NPM1: variants seen among roughly 807,000 people sequenced by gnomAD.
The protein encoded by NPM1 is nucleophosmin 1.
In NPM1, 1 loss-of-function variant was observed where a neutral mutation model predicts 44.1. That is an observed-to-expected ratio of 0.02 (90% CI 0.01 to 0.11). The LOEUF (loss-of-function observed/expected upper bound fraction) is 0.11, where lower values mean the gene tolerates loss of function less well. Ranked by LOEUF, NPM1 falls within the 10% of genes least tolerant of loss-of-function variation. NPM1 has a pLI of 1.00. For missense variants in NPM1, 197 were observed against 347.8 expected (o/e 0.57, Z 3.45); for synonymous variants, 126 against 111.8 (o/e 1.13, Z -0.80).
chr5:171,403,917 C>T lies in NPM1; in HGVS notation c.670-1385C>T, dbSNP rs1581255467. Among the ~76,000 whole-genome samples the T allele has an allele frequency of 2.8e-5, 2 of 70,912 alleles. 1 individual carries two copies. Among genetic ancestry groups the T allele is most frequent in the South Asian group, 1.4e-3 (2 of 1,412 alleles). The allele number at this position is 70,912 out of a possible 152,430, so 46.5% of individuals were successfully genotyped here. On this transcript the variant is annotated intron_variant, in intron 8 of 10. Transcript: ENST00000296930. ...GCGGCCGGCCAGGCGGGGGGCTTAC[C>T]CCCCCACCTCCCTCCCGGACGGGGC...
At chr5:171,410,417 TG>T in intron 10 of NPM1, 109 bp from the exon 11 acceptor site, 1 of 610,660 alleles carries the variant, frequency 1.6e-6, no homozygotes. Flanking sequence ...GTTAACTCTC[TG>T]GTGGTAGAAT....
At chr5:171,394,644 G>A (rs1010219216) in intron 6 of NPM1, among the ~76,000 whole-genome samples, 3 of 152,178 alleles carry the variant, frequency 2.0e-5, no homozygotes, top group Non-Finnish European at 4.4e-5. Context: ...AGTAAGAATT[G>A]AAATACATTC....
At chr5:171,387,781 G>A (rs996312934), upstream of NPM1, 7 of 664,546 alleles carry the variant, frequency 1.1e-5, no homozygotes, top group South Asian at 1.8e-5. Context: ...GCACGCGCGC[G>A]GAGGCGGGAC....
rs371368137 is a variant in NPM1, at chr5:171,403,104, T to C, written c.669+2179T>C. On this transcript the variant is annotated intron_variant, in intron 8 of 10. Coordinates refer to ENST00000296930, the MANE Select transcript of NPM1 (RefSeq NM_002520.7). Reference sequence around the variant, plus strand: ...CAATAGTGGAGGGAAGGTCAGCAGATAAACAAGTGAACAAAGGTCTCTGGT... The same window carrying C: ...CAATAGTGGAGGGAAGGTCAGCAGACAAACAAGTGAACAAAGGTCTCTGGT... 2.8e-3 allele frequency among the ~76,000 whole-genome samples: 326 copies of C among 115,210 alleles called. 3 individuals carry two copies. In the East Asian group the frequency reaches 0.034, roughly 12 times the overall value. The allele number at this position is 115,210 out of a possible 152,430, so 75.6% of individuals were successfully genotyped here.
intron 1 of NPM1, 22 bp from the exon 2 acceptor site, chr5:171,390,029 T>C: frequency 6.9e-7 from 1 of 1,442,558 alleles, no homozygotes; most frequent in East Asian, 2.3e-5. Context: ...CTTGTTAGAG[T>C]TGCTTTTTTC....
intron 6 of NPM1, among the ~76,000 whole-genome samples, chr5:171,397,629 T>C (rs1031646906): frequency 6.6e-6 from 1 of 151,808 alleles, no homozygotes; most frequent in South Asian, 2.1e-4. Context: ...TACTAAGTTG[T>C]AAGAATTCTT....
chr5:171,400,229 A>G lies in NPM1; in HGVS notation c.582+19A>G. 4 of 1,613,444 alleles carry G rather than the reference A, an allele frequency of 2.5e-6. No homozygotes were observed. Among genetic ancestry groups the G allele is most frequent in the East Asian group, 4.5e-5 (2 of 44,862 alleles). ...GAAGAAAGTGAGTAGATACAATGCT[A>G]CAAGGTTGTTAAACTAACAATAGAA... On this transcript the variant is annotated intron_variant, in intron 7 of 10. Coordinates refer to ENST00000296930, the MANE Select transcript of NPM1 (RefSeq NM_002520.7).
chr5:171,396,162 A>G (rs887899428), intron 6 of NPM1, among the ~76,000 whole-genome samples: 3 of 151,788 alleles, frequency 2.0e-5, no homozygotes, highest in Admixed American at 1.3e-4. Context: ...TGTATTTTTA[A>G]TAGAGATGGG....
intron 6 of NPM1, among the ~76,000 whole-genome samples, chr5:171,393,703 C>T (rs964229268): frequency 4.6e-5 from 7 of 152,192 alleles, no homozygotes; most frequent in African/African-American, 1.7e-4. Flanking sequence ...AATATAAGAA[C>T]ATGCACTTTA....
intron 2 of NPM1, 152 bp from the exon 3 acceptor site, chr5:171,391,153 T>TA (rs1368443190): frequency 2.7e-4 from 234 of 863,334 alleles, no homozygotes; most frequent in Admixed American, 5.2e-4. Context: ...AGCACATTCT[T>TA]ATGATTGTAC....
intron 5 of NPM1, 25 bp downstream of exon 5, chr5:171,392,841 G>A (rs1770652274): frequency 6.2e-7 from 1 of 1,613,026 alleles, no homozygotes; most frequent in African/African-American, 1.3e-5. Context: ...TTTATTATAG[G>A]TTTTGTATTA....
At chr5:171,393,818 C>T (rs529557581) in intron 6 of NPM1, among the ~76,000 whole-genome samples, 12 of 152,102 alleles carry the variant, frequency 7.9e-5, no homozygotes, top group South Asian at 4.1e-4. Flanking sequence ...GGAAAAAGGC[C>T]GAAAGAGCCG....
At position 171,392,954 on chromosome 5, in the gene NPM1, A is replaced by G; in HGVS notation, c.500A>G (p.Asp167Gly). 6.2e-7 allele frequency: 1 copy of G among 1,609,374 alleles called. No individual in the cohort carries two copies. Among genetic ancestry groups the G allele is most frequent in the South Asian group, 1.1e-5 (1 of 90,924 alleles). Reference sequence around the variant, plus strand: ...GCTGCTGATGAAGATGATGACGATGATGATGAAGAGGATGATGATGAAGAG... The same window carrying G: ...GCTGCTGATGAAGATGATGACGATGGTGATGAAGAGGATGATGATGAAGAG... ...KLAADEDDDDDDEEDDDEDDD... is the reference protein window; with the variant it reads ...KLAADEDDDDGDEEDDDEDDD... Residue 167 changes from aspartate (D) to glycine (G), a missense_variant, in exon 6 of 11, where the codon GAT becomes GGT. By Grantham distance (94) the Asp-to-Gly change is moderately conservative. This residue lies in a region of NPM1 where 91 missense variants were observed against 94.0 expected (regional missense o/e 0.97). Transcript: ENST00000296930.
intron 6 of NPM1, among the ~76,000 whole-genome samples, chr5:171,395,791 G>A (rs996613000): frequency 6.6e-6 from 1 of 152,128 alleles, no homozygotes; most frequent in Non-Finnish European, 1.5e-5. Flanking sequence ...TCCTTTTTGA[G>A]GATGGAATGG....
At chr5:171,394,716 A>G (rs973887158) in intron 6 of NPM1, among the ~76,000 whole-genome samples, 3 of 152,168 alleles carry the variant, frequency 2.0e-5, no homozygotes, top group African/African-American at 7.2e-5. Context: ...TATGGTTCGG[A>G]TTGGTTTAGT....
intron 6 of NPM1, among the ~76,000 whole-genome samples, chr5:171,399,411 A>AT (rs1174485207): frequency 1.3e-5 from 2 of 152,142 alleles, no homozygotes; most frequent in Non-Finnish European, 2.9e-5. Context: ...ACGCCTGCTA[A>AT]TTAAAAATTT....
At chr5:171,392,864 T>C in intron 5 of NPM1, 48 bp downstream of exon 5, 1 of 1,613,164 alleles carries the variant, frequency 6.2e-7, no homozygotes, top group Non-Finnish European at 8.5e-7. Flanking sequence ...GCTTTTAGTT[T>C]GGTGATAGAA....
chr5:171,387,817 G>A (rs1022555303), upstream of NPM1: 4 of 815,578 alleles, frequency 4.9e-6, no homozygotes, highest in African/African-American at 5.1e-5. Context: ...GAGATCTTCA[G>A]GGTCTATATA....
At chr5:171,398,836 C>T (rs1771044687) in intron 6 of NPM1, among the ~76,000 whole-genome samples, 1 of 152,188 alleles carries the variant, frequency 6.6e-6, no homozygotes, top group Non-Finnish European at 1.5e-5. Flanking sequence ...CATGTAAGAA[C>T]AGTACAACAC....
Sources: allele counts gnomAD v4.1 joint callset (sites outside exome capture counted in the v4.1 genomes callset), GRCh38; gene constraint gnomAD v4.1.1; regional missense constraint gnomAD v4.1.1; transcripts MANE v1.5; gene names NCBI Gene and HGNC (gene_info 2026-07-23, HGNC 2026-07-21).